PTPRT: variants seen among roughly 807,000 people sequenced by gnomAD.
PTPRT encodes the protein receptor-type tyrosine-protein phosphatase T.
Under a neutral mutation model 176.8 loss-of-function variants are expected in PTPRT, and 56 were observed. The observed-to-expected ratio is 0.32, with a 90% CI of 0.26 to 0.40. The LOEUF (loss-of-function observed/expected upper bound fraction) is 0.40. PTPRT is among the 10% of genes least tolerant of loss of function. The pLI is 1.00. For missense variants in PTPRT, 1,540 were observed against 1,908.2 expected (o/e 0.81, Z 3.60); for synonymous variants, 783 against 739.0 (o/e 1.06, Z -0.96).
At chr20:42,840,095 A>G (rs2078251031) in intron 2 of PTPRT, among the ~76,000 whole-genome samples, 1 of 152,142 alleles carries the variant, frequency 6.6e-6, no homozygotes, top group African/African-American at 2.4e-5. Context: ...TGTTGGCAGG[A>G]CCATGTTCCC....
intron 1 of PTPRT, among the ~76,000 whole-genome samples, chr20:43,092,615 G>A (rs1409211840): frequency 6.6e-6 from 1 of 152,196 alleles, no homozygotes; most frequent in East Asian, 1.9e-4. Context: ...CATGTGACTA[G>A]TTCTGCCCAC....
intron 9 of PTPRT, among the ~76,000 whole-genome samples, chr20:42,382,928 G>C (rs1277416002): frequency 1.3e-5 from 2 of 152,168 alleles, no homozygotes; most frequent in Non-Finnish European, 2.9e-5. Context: ...AAAGTATTCA[G>C]AAGGCAGTGC....
rs1454907323 is a variant in PTPRT, at chr20:42,104,473, A to G, written c.3540+96T>C. On this transcript the variant is annotated intron_variant, in intron 25 of 30. Coordinates refer to ENST00000373187, the MANE Select transcript of PTPRT (RefSeq NM_007050.6). The stretch of plus-strand genomic sequence containing the variant: ...TTCTCAGCCTCCAGAAATGTAATGA[A>G]TAAGTGTCTGTCATTTAAACCACCC... The G allele has an allele frequency of 4.4e-6, 6 of 1,366,788 alleles. 1 individual carries two copies. The South Asian group carries it at 5.7e-5, about 13-fold the overall frequency. 84.7% of individuals were successfully genotyped at this position (1,366,788 alleles called of 1,614,324 possible).
At chr20:42,229,477 T>C (rs1478263897) in intron 15 of PTPRT, among the ~76,000 whole-genome samples, 3 of 152,248 alleles carry the variant, frequency 2.0e-5, no homozygotes, top group Admixed American at 2.0e-4. Context: ...GCTGATAAAT[T>C]ACATTAAATA....
At chr20:42,416,758 T>C (rs1003486995) in intron 9 of PTPRT, among the ~76,000 whole-genome samples, 1 of 152,126 alleles carries the variant, frequency 6.6e-6, no homozygotes, top group Non-Finnish European at 1.5e-5. Flanking sequence ...AAATATTACA[T>C]AGTGACTGAA....
At chr20:42,333,829 C>T (rs1782561999) in intron 11 of PTPRT, among the ~76,000 whole-genome samples, 1 of 151,934 alleles carries the variant, frequency 6.6e-6, no homozygotes, top group Non-Finnish European at 1.5e-5. Context: ...TACAGGCATG[C>T]ACCACCACAC....
At chr20:43,164,697 C>G (rs2014807767) in intron 1 of PTPRT, among the ~76,000 whole-genome samples, 1 of 152,250 alleles carries the variant, frequency 6.6e-6, no homozygotes, top group Non-Finnish European at 1.5e-5. Flanking sequence ...AACTACCAAA[C>G]TGCACCATTG....
At chr20:42,629,239 T>G (rs529915917) in intron 7 of PTPRT, among the ~76,000 whole-genome samples, 5 of 152,222 alleles carry the variant, frequency 3.3e-5, no homozygotes, top group Admixed American at 3.3e-4. Flanking sequence ...TGTTGATGCA[T>G]GTTTTGACTT....
intron 1 of PTPRT, among the ~76,000 whole-genome samples, chr20:43,090,139 T>G (rs2011763615): frequency 6.6e-6 from 1 of 152,158 alleles, no homozygotes; most frequent in African/African-American, 2.4e-5. Flanking sequence ...AGAAGTAAGC[T>G]GAACCCATAA....
At chr20:42,896,474 A>G (rs2079300064) in intron 1 of PTPRT, among the ~76,000 whole-genome samples, 1 of 152,050 alleles carries the variant, frequency 6.6e-6, no homozygotes. Context: ...CGTCTTCACT[A>G]AAAATACAAA....
At chr20:42,420,230 G>T (rs1262537771) in intron 9 of PTPRT, among the ~76,000 whole-genome samples, 1 of 152,154 alleles carries the variant, frequency 6.6e-6, no homozygotes, top group Non-Finnish European at 1.5e-5. Flanking sequence ...ATGAGAAAAA[G>T]TGAACCATTA....
rs73254772 is a variant in PTPRT at position 42,270,550 on chromosome 20, T to C, written c.2176+11939A>G. The C allele has an allele frequency of 2.3e-3, 2,441 of 1,048,676 alleles. 45 individuals are homozygous for C. The African/African-American group carries it at 0.035, about 15-fold the overall frequency. The allele number at this position is 1,048,676 out of a possible 1,614,324, so 65.0% of individuals were successfully genotyped here. A position where few individuals can be genotyped will look rare whatever the true frequency, so the allele number is the denominator to read the frequency against. On this transcript the variant is annotated intron_variant, in intron 13 of 30. Transcript: ENST00000373187. ...TGCAGCACGGTGAACAAAACTGCAA[T>C]TCTTGTGGCTCTGAAGAGCTCACAC...
chr20:43,010,608 G>A (rs537062331), intron 1 of PTPRT, among the ~76,000 whole-genome samples: 2 of 152,062 alleles, frequency 1.3e-5, no homozygotes, highest in African/African-American at 4.8e-5. Flanking sequence ...AACGTATACT[G>A]GTTGACAGCA....
At chr20:42,930,694 G>T (rs1450624937) in intron 1 of PTPRT, among the ~76,000 whole-genome samples, 1 of 151,768 alleles carries the variant, frequency 6.6e-6, no homozygotes, top group Non-Finnish European at 1.5e-5. Context: ...TGCCCAGGCT[G>T]GTCTTGAACT....
chr20:42,367,457 A>G (rs1004922163), intron 9 of PTPRT, among the ~76,000 whole-genome samples: 3 of 152,248 alleles, frequency 2.0e-5, no homozygotes, highest in Admixed American at 6.5e-5. Context: ...ATGCCCAGGA[A>G]CAAACCAGTG....
At chr20:42,168,585 TC>T (rs1989934785) in intron 16 of PTPRT, among the ~76,000 whole-genome samples, 3 of 152,288 alleles carry the variant, frequency 2.0e-5, no homozygotes, top group South Asian at 4.1e-4. Flanking sequence ...GCAGCACACA[TC>T]CCATGTGCAG....
At chr20:42,536,153 G>A (rs1222927007) in intron 7 of PTPRT, among the ~76,000 whole-genome samples, 1 of 152,116 alleles carries the variant, frequency 6.6e-6, no homozygotes, top group East Asian at 1.9e-4. Context: ...TGCCCCGGCA[G>A]AGCTCTGTTT....
chr20:42,397,717 G>A (rs2058865262), intron 9 of PTPRT, among the ~76,000 whole-genome samples: 1 of 152,106 alleles, frequency 6.6e-6, no homozygotes, highest in Admixed American at 6.6e-5. Context: ...TTGATTCCAG[G>A]TCTTTGCTAT....
chr20:42,580,384 C>T (rs866068229), intron 7 of PTPRT, among the ~76,000 whole-genome samples: 13 of 152,050 alleles, frequency 8.5e-5, no homozygotes, highest in Middle Eastern at 6.8e-3. Flanking sequence ...CTTGGTGATG[C>T]GGGCTCTTTT....
Sources: gnomAD v4.1 joint callset for allele counts (sites outside exome capture counted in the v4.1 genomes callset) on GRCh38, gnomAD v4.1.1 for gene constraint, MANE v1.5 for transcripts, NCBI Gene and HGNC (gene_info 2026-07-23, HGNC 2026-07-21) for gene names.